Variants in DLG2 observed in about 807,000 individuals in gnomAD.
The protein encoded by DLG2 is discs large MAGUK scaffold protein 2, also known as disks large homolog 2.
DLG2 carries 45 observed loss-of-function variants against 132.5 expected under a neutral mutation model. The ratio of observed to expected loss-of-function variants is 0.34; its 90% CI spans 0.27 to 0.44. DLG2 has a LOEUF of 0.44. Among genes scored for constraint, DLG2 ranks in the 20% least tolerant of loss-of-function variants. The pLI is 1.00. For missense variants in DLG2, 1,045 were observed against 1,196.9 expected (o/e 0.87, Z 1.87); for synonymous variants, 424 against 419.6 (o/e 1.01, Z -0.13).
chr11:83,742,210 A>ACCACACACACACACACACACACAC (rs71463182), intron 18 of DLG2, among the ~76,000 whole-genome samples: 2 of 147,006 alleles, frequency 1.4e-5, no homozygotes, highest in African/African-American at 5.0e-5. Context: ...CCACACTTTT[A>ACCACACACACACACACACACACAC]ACACACACAC....
At chr11:85,489,284 G>C (rs1178386024) in intron 3 of DLG2, among the ~76,000 whole-genome samples, 1 of 152,098 alleles carries the variant, frequency 6.6e-6, no homozygotes, top group Non-Finnish European at 1.5e-5. Flanking sequence ...ACTTACATCA[G>C]ATAAAATGGT....
intron 19 of DLG2, among the ~76,000 whole-genome samples, chr11:83,543,458 A>G (rs1163632567): frequency 6.6e-6 from 1 of 152,158 alleles, no homozygotes; most frequent in Non-Finnish European, 1.5e-5. Context: ...TGTGCAGTCT[A>G]GTGTATTACA....
chr11:84,589,215 A>T (rs2099537095), intron 6 of DLG2, among the ~76,000 whole-genome samples: 1 of 152,168 alleles, frequency 6.6e-6, no homozygotes, highest in Non-Finnish European at 1.5e-5. Flanking sequence ...GATGAAAATA[A>T]ATGTCTGTGA....
At chr11:84,608,218 G>GC (rs1449270083) in intron 6 of DLG2, among the ~76,000 whole-genome samples, 2 of 152,114 alleles carry the variant, frequency 1.3e-5, no homozygotes, top group Non-Finnish European at 2.9e-5. Context: ...TAGACATGTG[G>GC]CCCAACTCAT....
intron 7 of DLG2, among the ~76,000 whole-genome samples, chr11:84,397,748 A>G (rs1601417367): frequency 6.6e-6 from 1 of 152,238 alleles, no homozygotes; most frequent in East Asian, 1.9e-4. Context: ...ATCACCTCAC[A>G]TACTGCTTTT....
intron 6 of DLG2, among the ~76,000 whole-genome samples, chr11:84,662,786 C>CAAAA (rs752017709): frequency 7.1e-4 from 57 of 80,282 alleles, no homozygotes; most frequent in Middle Eastern, 8.3e-3. Context: ...GACTCTGTCA[C>CAAAA]AAAAAAAAAA....
intron 6 of DLG2, among the ~76,000 whole-genome samples, chr11:85,109,862 T>G (rs1053339252): frequency 3.9e-5 from 6 of 152,104 alleles, no homozygotes; most frequent in Non-Finnish European, 7.4e-5. Context: ...TAAAGAATGA[T>G]GAAGAGGAGA....
chr11:83,857,620 G>A (rs1293001832), intron 16 of DLG2, among the ~76,000 whole-genome samples: 2 of 152,112 alleles, frequency 1.3e-5, no homozygotes, highest in Admixed American at 6.5e-5. Context: ...GTCATTATAC[G>A]ATTGTCCAAA....
chr11:83,681,291 C>G (rs2078754917), intron 18 of DLG2, among the ~76,000 whole-genome samples: 1 of 152,146 alleles, frequency 6.6e-6, no homozygotes, highest in Non-Finnish European at 1.5e-5. Context: ...GAGGAAATGA[C>G]TTCCTATAGT....
rs185323860 is a variant in DLG2 at position 84,658,543 on chromosome 11, G to A, written c.358-123812C>T. Among the ~76,000 whole-genome samples, 4 of 152,240 alleles carry A rather than the reference G, an allele frequency of 2.6e-5. No individual in the cohort carries two copies. The East Asian group carries it at 7.7e-4, about 29-fold the overall frequency. ...TTGAAATGTGATCCCCAATGCTAAA[G>A]GTAGGGTCTGGTGGGAGGTGTTACA... On this transcript the variant is annotated intron_variant, in intron 6 of 27. Coordinates refer to ENST00000376104, the MANE Select transcript of DLG2 (RefSeq NM_001142699.3).
chr11:84,514,467 A>G (rs1376509267), intron 7 of DLG2, among the ~76,000 whole-genome samples: 1 of 152,116 alleles, frequency 6.6e-6, no homozygotes, highest in Non-Finnish European at 1.5e-5. Flanking sequence ...ATGGATGGAT[A>G]AAGAAAATGT....
chr11:84,068,458 C>T (rs2096710346), intron 10 of DLG2, among the ~76,000 whole-genome samples: 1 of 152,180 alleles, frequency 6.6e-6, no homozygotes, highest in Non-Finnish European at 1.5e-5. Context: ...ATCTCATCTT[C>T]TAGGATGCCA....
intron 3 of DLG2, among the ~76,000 whole-genome samples, chr11:85,588,322 C>T (rs963257961): frequency 6.6e-6 from 1 of 152,066 alleles, no homozygotes; most frequent in Admixed American, 6.5e-5. Flanking sequence ...TCAGGAACAC[C>T]AATTATTCTT....
At chr11:84,058,132 A>G (rs1448246598) in intron 11 of DLG2, among the ~76,000 whole-genome samples, 1 of 152,134 alleles carries the variant, frequency 6.6e-6, no homozygotes, top group Non-Finnish European at 1.5e-5. Context: ...GCCTCCTAGA[A>G]GAGATGGTAG....
At chr11:84,098,897 A>C in intron 10 of DLG2, 26 bp downstream of exon 10, 1 of 1,608,654 alleles carries the variant, frequency 6.2e-7, no homozygotes, top group Non-Finnish European at 8.5e-7. Flanking sequence ...TACTTTCAAA[A>C]TCATTCTAAT....
rs370972399 is a variant in DLG2 at position 83,881,676 on chromosome 11, T to C, written c.1497-7188A>G. Among the ~76,000 whole-genome samples, 14 of 152,328 alleles carry C rather than the reference T, an allele frequency of 9.2e-5. No individual in the cohort carries two copies. In the South Asian group the frequency reaches 2.9e-3, roughly 32 times the overall value. ...TAATAGACTAACCAATCTTCTCCACTCTGTCAGTGACAGGCAGACCAATGT... is the reference window on the plus strand; with the variant it reads ...TAATAGACTAACCAATCTTCTCCACCCTGTCAGTGACAGGCAGACCAATGT... On this transcript the variant is annotated intron_variant, in intron 15 of 27. Coordinates refer to ENST00000376104, the MANE Select transcript of DLG2 (RefSeq NM_001142699.3).
chr11:84,786,353 T>C (rs2072889959), intron 6 of DLG2, among the ~76,000 whole-genome samples: 1 of 152,152 alleles, frequency 6.6e-6, no homozygotes, highest in Non-Finnish European at 1.5e-5. Context: ...TGAAGTATCA[T>C]AAACCACAGA....
chr11:84,755,290 A>G (rs2066710162), intron 6 of DLG2, among the ~76,000 whole-genome samples: 1 of 152,256 alleles, frequency 6.6e-6, no homozygotes, highest in Admixed American at 6.5e-5. Flanking sequence ...AAAAGGTACC[A>G]ATAAATTTTT....
At chr11:85,001,102 CT>C (rs1189356463) in intron 6 of DLG2, among the ~76,000 whole-genome samples, 5 of 151,312 alleles carry the variant, frequency 3.3e-5, no homozygotes, top group African/African-American at 9.7e-5. Flanking sequence ...ATAGAAAGAA[CT>C]TTTTTTTTGA....
Sources: allele counts gnomAD v4.1 joint callset (sites outside exome capture counted in the v4.1 genomes callset), GRCh38; gene constraint gnomAD v4.1.1; transcripts MANE v1.5; gene names NCBI Gene and HGNC (gene_info 2026-07-23, HGNC 2026-07-21).